OR51B5: variants seen among roughly 807,000 people sequenced by gnomAD.
The protein encoded by OR51B5 is olfactory receptor 51B5.
For missense variants in OR51B5, 456 were observed against 374.6 expected, an observed-to-expected ratio of 1.22 and a Z score of -1.79; for synonymous variants, 186 against 144.8, an observed-to-expected ratio of 1.28 and a Z score of -2.04.
chr11:5,379,423 C>T (rs529759932), intron 1 of OR51B5, among the ~76,000 whole-genome samples: 68 of 151,516 alleles, frequency 4.5e-4, no homozygotes, highest in Non-Finnish European at 9.0e-4. Flanking sequence ...AACTAACCGG[C>T]ACATTATGCA....
chr11:5,386,698 G>A (rs1275074734), intron 1 of OR51B5, among the ~76,000 whole-genome samples: 2 of 152,070 alleles, frequency 1.3e-5, no homozygotes, highest in African/African-American at 2.4e-5. Flanking sequence ...CATGTTGAAT[G>A]ACAGGTCAGG....
At chr11:5,390,035 ATGG>A in intron 1 of OR51B5, 1 of 1,613,588 alleles carries the variant, frequency 6.2e-7, no homozygotes, top group South Asian at 1.1e-5. Flanking sequence ...GTATGGACTG[ATGG>A]TGGTAGTTTT....
chr11:5,498,758 G>T (rs896974412), intron 1 of OR51B5, among the ~76,000 whole-genome samples: 1 of 152,148 alleles, frequency 6.6e-6, no homozygotes, highest in East Asian at 1.9e-4. Context: ...GAACTTTCGT[G>T]TTCCTGACAG....
chr11:5,363,272 CA>C (rs1564921996), intron 1 of OR51B5, among the ~76,000 whole-genome samples: 25 of 51,704 alleles, frequency 4.8e-4, no homozygotes, highest in Non-Finnish European at 1.0e-3. Context: ...CACACACACA[CA>C]CACACACACA....
At chr11:5,403,406 G>A (rs1442091807) in intron 1 of OR51B5, 1 of 471,330 alleles carries the variant, frequency 2.1e-6, no homozygotes, top group Non-Finnish European at 4.4e-6. Flanking sequence ...GACATCGTGT[G>A]TCCCCTCTGC....
chr11:5,370,573 G>T (rs376518546), intron 1 of OR51B5, among the ~76,000 whole-genome samples: 1 of 151,970 alleles, frequency 6.6e-6, no homozygotes, highest in African/African-American at 2.4e-5. Context: ...TCTGTGTTTA[G>T]AAATGAATAA....
chr11:5,453,893 G>A (rs1183916338), intron 1 of OR51B5: 1 of 1,614,184 alleles, frequency 6.2e-7, no homozygotes, highest in Non-Finnish European at 8.5e-7. Flanking sequence ...ATGCAACTGT[G>A]CTCACCACTG....
At chr11:5,432,940 T>C (rs537460266) in intron 1 of OR51B5, among the ~76,000 whole-genome samples, 4 of 152,162 alleles carry the variant, frequency 2.6e-5, no homozygotes, top group Middle Eastern at 3.2e-3. Context: ...GAAGAACCCC[T>C]AGTAAAGATC....
At chr11:5,347,383 T>C (rs1849009807), upstream of OR51B5, among the ~76,000 whole-genome samples, 1 of 152,210 alleles carries the variant, frequency 6.6e-6, no homozygotes, top group Non-Finnish European at 1.5e-5. Flanking sequence ...CAGCCTTCTC[T>C]AGTACCCAAC....
At chr11:5,463,260 C>T (rs1452939280) in intron 1 of OR51B5, among the ~76,000 whole-genome samples, 4 of 152,176 alleles carry the variant, frequency 2.6e-5, no homozygotes, top group Admixed American at 2.6e-4. Context: ...TAAATAGTTG[C>T]ACAAGCCTCC....
chr11:5,374,464 G>C (rs959042865), intron 1 of OR51B5, among the ~76,000 whole-genome samples: 1 of 152,188 alleles, frequency 6.6e-6, no homozygotes, highest in Non-Finnish European at 1.5e-5. Flanking sequence ...CACCAGCAAC[G>C]GAACAAAGCT....
At chr11:5,431,078 G>A (rs776567291) in intron 1 of OR51B5, 15 of 444,578 alleles carry the variant, frequency 3.4e-5, no homozygotes, top group Middle Eastern at 3.3e-4. Context: ...GAGTGTGAGA[G>A]GACATTAGTG....
chr11:5,465,467 C>T (rs943107194), intron 1 of OR51B5, among the ~76,000 whole-genome samples: 1 of 151,888 alleles, frequency 6.6e-6, no homozygotes, highest in African/African-American at 2.4e-5. Context: ...CTTTAAAGTT[C>T]ATATGGAACC....
chr11:5,483,377 G>C (rs1214245108), intron 1 of OR51B5, among the ~76,000 whole-genome samples: 2 of 104,228 alleles, frequency 1.9e-5, no homozygotes, highest in Non-Finnish European at 3.7e-5. Flanking sequence ...GGAGGGGGGA[G>C]GGATAGCATT....
intron 1 of OR51B5, chr11:5,383,790 AGGATAAAT>A (rs1447966524): frequency 6.6e-6 from 1 of 152,084 alleles, no homozygotes; most frequent in African/African-American, 2.4e-5. Flanking sequence ...GGTCTTTAGG[AGGATAAAT>A]CCTTCTGTGA....
At chr11:5,348,929 G>T (rs1250701890) in intron 1 of OR51B5, among the ~76,000 whole-genome samples, 1 of 152,116 alleles carries the variant, frequency 6.6e-6, no homozygotes, top group Non-Finnish European at 1.5e-5. Flanking sequence ...ACAGAAAAGA[G>T]TGTCAGGAAA....
rs201931158 is a variant in OR51B5 at position 5,430,834 on chromosome 11, A to G, written n.84+74735T>C. ...ACGATGCATCACAGACACCCCAATC[A>G]TGGGCACATAATATATAAGCACTGC... On this transcript the variant is annotated intron_variant and non_coding_transcript_variant, in intron 1 of 4. Coordinates refer to the OR51B5 transcript ENST00000415970. 99 of 457,420 alleles carry G rather than the reference A, an allele frequency of 2.2e-4. 4 individuals are homozygous for G. Among genetic ancestry groups the G allele is most frequent in the South Asian group, 1.4e-3 (93 of 64,572 alleles). 28.3% of individuals were successfully genotyped at this position (457,420 alleles called of 1,614,324 possible).
At chr11:5,454,616 G>A (rs1427526131) in intron 1 of OR51B5, 3 of 469,620 alleles carry the variant, frequency 6.4e-6, no homozygotes, top group Non-Finnish European at 1.1e-5. Flanking sequence ...AATACCAACA[G>A]TATTCTTAGA....
chr11:5,421,798 G>C (rs542840019), intron 1 of OR51B5, among the ~76,000 whole-genome samples: 1 of 152,300 alleles, frequency 6.6e-6, no homozygotes, highest in South Asian at 2.1e-4. Context: ...ATCAAAAAAA[G>C]ATAAAGATTG....
Sources: gnomAD v4.1 joint callset for allele counts (sites outside exome capture counted in the v4.1 genomes callset) on GRCh38, gnomAD v4.1.1 for gene constraint, MANE v1.5 for transcripts, NCBI Gene and HGNC (gene_info 2026-07-23, HGNC 2026-07-21) for gene names.